Variants in MYOF observed in about 807,000 individuals in gnomAD.
The protein encoded by MYOF is fer-1-like 3, myoferlin.
Under a neutral mutation model 284.2 loss-of-function variants are expected in MYOF, and 244 were observed. That is an observed-to-expected ratio of 0.86 (90% CI 0.77 to 0.95). The LOEUF is 0.95. Ranked by LOEUF, MYOF falls within the 40% of genes least tolerant of loss-of-function variation. The pLI, the probability that MYOF is intolerant of heterozygous loss-of-function variation, is 0.00. For missense variants in MYOF, 2,496 were observed against 2,560.6 expected (o/e 0.97, Z 0.54); for synonymous variants, 904 against 919.7 (o/e 0.98, Z 0.31).
At chr10:93,405,508 G>A (rs1564691053) in intron 7 of MYOF, among the ~76,000 whole-genome samples, 1 of 152,170 alleles carries the variant, frequency 6.6e-6, no homozygotes, top group Non-Finnish European at 1.5e-5. Flanking sequence ...TGCTCGGGCT[G>A]GTCTTGAACT....
At chr10:93,314,192 G>T (rs190378517) in intron 50 of MYOF, among the ~76,000 whole-genome samples, 1 of 152,118 alleles carries the variant, frequency 6.6e-6, no homozygotes, top group Non-Finnish European at 1.5e-5. Flanking sequence ...GGGTTCAAGC[G>T]ATTCTCATGC....
chr10:93,409,004 A>G (rs1847769438), intron 6 of MYOF, 89 bp from the exon 7 acceptor site: 4 of 1,570,512 alleles, frequency 2.5e-6, no homozygotes, highest in East Asian at 2.2e-5. Context: ...TCCTTCACCT[A>G]TTAGGATTGC....
rs1032183312 is a variant in MYOF, at chr10:93,442,988, G to A, written c.236+9062C>T. ...AGCCTGGCCAAAATGGTGAAACCCC[G>A]TCTCTGGTAAAAAAAATACATAAAT... is the stretch of plus-strand genomic sequence containing the variant. On this transcript the variant is annotated intron_variant, in intron 3 of 53. Transcript: ENST00000359263. Among the ~76,000 whole-genome samples the A allele has an allele frequency of 2.6e-5, 4 of 151,452 alleles. No individual in the cohort carries two copies. The East Asian group carries it at 5.8e-4, about 22-fold the overall frequency.
chr10:93,348,181 C>T (rs931313574), intron 36 of MYOF, among the ~76,000 whole-genome samples: 1 of 152,190 alleles, frequency 6.6e-6, no homozygotes, highest in South Asian at 2.1e-4. Flanking sequence ...TGCTCTGCTT[C>T]CTGGGAGGGG....
Position 93,323,190 on chromosome 10 carries a change from T to G in MYOF, c.5361-17A>C. Reference sequence around the variant, plus strand: ...AGGTAGTATCTGCAAGAAGCACAGTTGGAAGGTACTTTTTTTTCTGGTCCT... The same window carrying G: ...AGGTAGTATCTGCAAGAAGCACAGTGGGAAGGTACTTTTTTTTCTGGTCCT... On this transcript the variant is annotated splice_polypyrimidine_tract_variant and intron_variant, in intron 47 of 53. Coordinates refer to ENST00000359263, the MANE Select transcript of MYOF (RefSeq NM_013451.4). 1 of 1,613,924 alleles carries G rather than the reference T, an allele frequency of 6.2e-7. No homozygotes were observed. The highest frequency in any genetic ancestry group is 8.5e-7 in the Non-Finnish European group (1 of 1,179,778).
chr10:93,369,494 C>T, intron 25 of MYOF, 151 bp downstream of exon 25: 1 of 1,068,102 alleles, frequency 9.4e-7, no homozygotes, highest in South Asian at 1.7e-5. Context: ...TTCTCTTATC[C>T]CTTAGGTTAA....
chr10:93,368,513 G>A (rs377495704), intron 25 of MYOF, among the ~76,000 whole-genome samples: 33 of 152,296 alleles, frequency 2.2e-4, no homozygotes, highest in African/African-American at 7.9e-4. Flanking sequence ...TTCAGCAGCT[G>A]GTTACCTGGC....
At position 93,356,780 on chromosome 10, in the gene MYOF, C is replaced by A; in HGVS notation, c.3189G>T (p.Trp1063Cys). 1 of 1,614,150 alleles carries A rather than the reference C, an allele frequency of 6.2e-7. No individual in the cohort carries two copies. Residue 1063 changes from tryptophan (W) to cysteine (C), a missense_variant, in exon 30 of 54, where the codon TGG becomes TGT. Physicochemically the swap from Trp to Cys is radical, Grantham distance 215. Coordinates refer to ENST00000359263, the MANE Select transcript of MYOF (RefSeq NM_013451.4). ...GGAAGGTATCTGAACTACGTTGTTTCCAGTGAAATTTCCAGCCAATTAGAG... is the reference window on the plus strand; with the variant it reads ...GGAAGGTATCTGAACTACGTTGTTTACAGTGAAATTTCCAGCCAATTAGAG... The part of the protein sequence containing the change: ...YASLIGWKFH[W>C]KQRSSDTFRR...
At chr10:93,479,459 G>T (rs533149297) in intron 1 of MYOF, among the ~76,000 whole-genome samples, 36 of 152,326 alleles carry the variant, frequency 2.4e-4, no homozygotes, top group African/African-American at 7.7e-4. Flanking sequence ...GAACACACCT[G>T]TAAAGGGTTT....
chr10:93,404,321 C>G, intron 7 of MYOF, 102 bp from the exon 8 acceptor site: 1 of 1,225,128 alleles, frequency 8.2e-7, no homozygotes, highest in Non-Finnish European at 1.2e-6. Context: ...ATGCAAAACA[C>G]AAATTCAAAA....
chr10:93,371,460 T>C (rs1176223331), intron 24 of MYOF, among the ~76,000 whole-genome samples: 2 of 152,234 alleles, frequency 1.3e-5, no homozygotes, highest in East Asian at 3.8e-4. Flanking sequence ...AATCCAGTTA[T>C]GTTTCTGTTC....
intron 16 of MYOF, 132 bp downstream of exon 16, chr10:93,396,010 T>C: frequency 1.8e-6 from 1 of 569,394 alleles, no homozygotes; most frequent in East Asian, 2.9e-5. Flanking sequence ...ATTGAAATGG[T>C]TCACTAGGTT....
chr10:93,312,732 C>T (rs1051909861), intron 51 of MYOF, among the ~76,000 whole-genome samples: 10 of 152,038 alleles, frequency 6.6e-5, no homozygotes, highest in Non-Finnish European at 1.2e-4. Context: ...AATTAACTTC[C>T]CTGATGAAGA....
Position 93,366,540 on chromosome 10 carries a change from G to C in MYOF, c.2605C>G (p.Leu869Val), listed in dbSNP as rs749835033. 7.5e-6 allele frequency: 12 copies of C among 1,604,814 alleles called. No individual in the cohort carries two copies. The highest frequency in any genetic ancestry group is 1.1e-5 in the South Asian group (1 of 89,446). ...VFAEMYENQA[L>V]MFGKWGTSGL... is the part of the protein sequence containing the mutation. ...GAAGTACCCCATTTTCCAAACATGA[G>C]AGCTTGATTTTCATACTATTAAAAA... Residue 869 changes from leucine (L) to valine (V), a missense_variant, in exon 26 of 54, where the codon CTC (leucine) becomes GTC (valine). Leu to Val is a conservative substitution (Grantham distance 32). This residue lies in a region of MYOF where 2,436 missense variants were observed against 2,480.7 expected (regional missense o/e 0.98). Coordinates refer to ENST00000359263, the MANE Select transcript of MYOF (RefSeq NM_013451.4).
chr10:93,381,996 C>T (rs1239314605), intron 19 of MYOF, among the ~76,000 whole-genome samples: 1 of 152,124 alleles, frequency 6.6e-6, no homozygotes. Context: ...GATATCGTGC[C>T]ACTGCATCCA....
At position 93,435,710 on chromosome 10, in the gene MYOF, C is replaced by CA. The variant is rs1455059105; in HGVS notation, c.237-4195dup. On this transcript the variant is annotated intron_variant, in intron 3 of 53. Coordinates refer to ENST00000359263, the MANE Select transcript of MYOF (RefSeq NM_013451.4). ...GTGCAGTGGCTCACACCTGTCATCT[C>CA]ACCACTTTGGGAAGCTGAGGTAGGA... is the stretch of plus-strand genomic sequence containing the variant. Among the ~76,000 whole-genome samples the CA allele has an allele frequency of 2.0e-5, 3 of 152,062 alleles. No homozygotes were observed. In the East Asian group the frequency reaches 5.8e-4, roughly 29 times the overall value.
At position 93,482,187 on chromosome 10, in the gene MYOF, C is replaced by T. The variant is rs185721667; in HGVS notation, c.8G>A (p.Arg3Gln). ML[R>Q]VIVESASNIP... is the part of the protein sequence containing the mutation. ...ATTGCTGGCAGATTCCACAATCACT[C>T]GCAGCATGGTTCTTAGCTGGTAGAA... The change falls in exon 1 of 54, where the codon CGA becomes CAA. Residue 3 changes from arginine (R) to glutamine (Q), a missense_variant. Transcript: ENST00000359263. The T allele has an allele frequency of 1.2e-3, 1,927 of 1,613,962 alleles. 21 individuals carry two copies. The highest frequency in any genetic ancestry group is 4.1e-4 in the Non-Finnish European group (480 of 1,179,942).
At chr10:93,429,769 A>G (rs1848749554) in intron 4 of MYOF, among the ~76,000 whole-genome samples, 1 of 152,078 alleles carries the variant, frequency 6.6e-6, no homozygotes, top group African/African-American at 2.4e-5. Flanking sequence ...TTGGAAAATG[A>G]AGGGGTTGGA....
intron 17 of MYOF, among the ~76,000 whole-genome samples, chr10:93,390,222 C>G (rs1284219325): frequency 1.3e-5 from 2 of 152,106 alleles, no homozygotes; most frequent in African/African-American, 4.8e-5. Context: ...AATAATTTAC[C>G]TAACCCTATA....
Sources: gnomAD v4.1 joint callset for allele counts (sites outside exome capture counted in the v4.1 genomes callset) on GRCh38, gnomAD v4.1.1 for gene constraint, gnomAD v4.1.1 regional missense constraint, MANE v1.5 for transcripts, NCBI Gene and HGNC (gene_info 2026-07-23, HGNC 2026-07-21) for gene names.